The following BMPER variants were observed in gnomAD, a reference collection of about 807,000 sequenced individuals.
BMPER encodes the protein BMP-binding endothelial regulator protein.
A neutral mutation model predicts 87.3 loss-of-function variants in BMPER; 45 were observed. That is an observed-to-expected ratio of 0.52 (90% CI 0.41 to 0.66). The LOEUF (loss-of-function observed/expected upper bound fraction) is 0.66. BMPER is among the 30% of genes least tolerant of loss of function. The probability of loss-of-function intolerance (pLI) is 0.00; values close to 1 mark genes in which losing one functional copy is unlikely to be tolerated. For synonymous variants in BMPER, 326 were observed against 316.2 expected (o/e 1.03, Z -0.33); for missense variants, 784 against 867.5 (o/e 0.90, Z 1.21).
At chr7:34,046,625 C>T (rs1334641866) in intron 7 of BMPER, among the ~76,000 whole-genome samples, 2 of 152,218 alleles carry the variant, frequency 1.3e-5, no homozygotes, top group African/African-American at 4.8e-5. Context: ...TCACTTGCAT[C>T]TGTAACTGGG....
At position 34,040,580 on chromosome 7, in the gene BMPER, G is replaced by A. The variant is rs185566546; in HGVS notation, c.577-5726G>A. Among the ~76,000 whole-genome samples, 309 of 152,164 alleles carry A rather than the reference G, an allele frequency of 2.0e-3. 1 individual carries two copies. Among genetic ancestry groups the A allele is most frequent in the African/African-American group, 6.9e-3 (286 of 41,502 alleles). ...GATTCTGACCCACTGCCTAGATTGA[G>A]CACCCTGAATAGAATGAGGAGCCAC... On this transcript the variant is annotated intron_variant, in intron 6 of 14. Coordinates refer to ENST00000649409, the MANE Select transcript of BMPER (RefSeq NM_001365308.1).
intron 13 of BMPER, among the ~76,000 whole-genome samples, chr7:34,087,044 T>C (rs1789232409): frequency 6.6e-6 from 1 of 152,212 alleles, no homozygotes; most frequent in Non-Finnish European, 1.5e-5. Flanking sequence ...TTATTTCCCC[T>C]AGTTCTCATT....
intron 12 of BMPER, among the ~76,000 whole-genome samples, chr7:34,079,590 C>A (rs1325854526): frequency 6.6e-6 from 1 of 152,192 alleles, no homozygotes; most frequent in Non-Finnish European, 1.5e-5. Context: ...TAGCTATGTG[C>A]AGTTTCACAT....
intron 11 of BMPER, among the ~76,000 whole-genome samples, chr7:34,068,526 G>A (rs1788654477): frequency 6.6e-6 from 1 of 152,096 alleles, no homozygotes; most frequent in Admixed American, 6.5e-5. Context: ...CCGTCTTTCT[G>A]CTCAAGTACA....
At chr7:33,933,517 A>T (rs975270698) in intron 2 of BMPER, among the ~76,000 whole-genome samples, 21 of 145,310 alleles carry the variant, frequency 1.4e-4, no homozygotes, top group African/African-American at 5.1e-4. Context: ...TCTTGTTTAG[A>T]TCTGGAGAGA....
Position 34,154,621 on chromosome 7 carries a change from G to A in BMPER, c.*1348G>A, listed in dbSNP as rs984788533. 2 of 152,074 alleles carry A rather than the reference G, an allele frequency of 1.3e-5. No homozygotes were observed. The highest frequency in any genetic ancestry group is 4.8e-5 in the African/African-American group (2 of 41,388). The allele number at this position is 152,074 out of a possible 1,614,324, so 9.4% of individuals were successfully genotyped here. ...TGTATCTTACAACAGTATATATAAA[G>A]ACTATTATTAATAGACAAAAGCAAA... On this transcript the variant is annotated 3_prime_UTR_variant, in exon 15 of 15. Transcript: ENST00000649409.
chr7:34,095,898 T>G (rs1026635552), intron 13 of BMPER, among the ~76,000 whole-genome samples: 3 of 152,148 alleles, frequency 2.0e-5, no homozygotes, highest in Admixed American at 6.5e-5. Flanking sequence ...CAGTGGCCAT[T>G]GGCAAAGGAT....
intron 4 of BMPER, among the ~76,000 whole-genome samples, chr7:33,967,940 T>G (rs2128618000): frequency 6.6e-6 from 1 of 152,338 alleles, no homozygotes; most frequent in South Asian, 2.1e-4. Flanking sequence ...GGATGAAGAC[T>G]TTGTTTAAAT....
At chr7:33,985,812 G>A (rs1785994016) in intron 6 of BMPER, among the ~76,000 whole-genome samples, 1 of 151,562 alleles carries the variant, frequency 6.6e-6, no homozygotes. Context: ...GTTTATATGT[G>A]TATGAAGGAT....
At chr7:33,974,866 C>A in intron 6 of BMPER, 82 bp downstream of exon 6, 1 of 1,327,980 alleles carries the variant, frequency 7.5e-7, no homozygotes, top group Non-Finnish European at 1.1e-6. Flanking sequence ...CCGGTCTCTA[C>A]AGCCTCTCTC....
chr7:34,044,478 T>C (rs1260667042), intron 6 of BMPER, among the ~76,000 whole-genome samples: 1 of 152,170 alleles, frequency 6.6e-6, no homozygotes, highest in African/African-American at 2.4e-5. Flanking sequence ...ATGAATTTCT[T>C]TGAAATTAAA....
chr7:33,915,884 G>A (rs1029741755), intron 2 of BMPER, among the ~76,000 whole-genome samples: 2 of 152,156 alleles, frequency 1.3e-5, no homozygotes, highest in Admixed American at 6.5e-5. Context: ...TTTAATAGTT[G>A]TATGGCTTTA....
At chr7:34,031,556 TA>T (rs1417978830) in intron 6 of BMPER, among the ~76,000 whole-genome samples, 1 of 151,934 alleles carries the variant, frequency 6.6e-6, no homozygotes, top group Non-Finnish European at 1.5e-5. Flanking sequence ...AATGTTCTCC[TA>T]ACTTTTCAGA....
intron 6 of BMPER, among the ~76,000 whole-genome samples, chr7:33,977,572 A>G (rs1412407217): frequency 6.6e-6 from 1 of 152,214 alleles, no homozygotes; most frequent in African/African-American, 2.4e-5. Flanking sequence ...GGTGTTCATA[A>G]TGTTAGGCTG....
intron 3 of BMPER, 68 bp downstream of exon 3, chr7:33,937,456 ACCTT>A: frequency 6.6e-7 from 1 of 1,512,950 alleles, no homozygotes; most frequent in South Asian, 1.1e-5. Flanking sequence ...TCTTTCTCTC[ACCTT>A]CCTTTTCACT....
intron 2 of BMPER, among the ~76,000 whole-genome samples, chr7:33,917,449 C>T (rs1784112396): frequency 6.6e-6 from 1 of 152,032 alleles, no homozygotes; most frequent in South Asian, 2.1e-4. Context: ...TAACCTACCT[C>T]TGCCAAATGA....
intron 13 of BMPER, among the ~76,000 whole-genome samples, chr7:34,116,435 T>C (rs764866058): frequency 2.6e-5 from 4 of 152,170 alleles, no homozygotes; most frequent in Non-Finnish European, 5.9e-5. Flanking sequence ...TGTAGGATAT[T>C]AGATCTTTAA....
At chr7:34,014,724 C>T (rs1418993463) in intron 6 of BMPER, among the ~76,000 whole-genome samples, 1 of 151,832 alleles carries the variant, frequency 6.6e-6, no homozygotes, top group Non-Finnish European at 1.5e-5. Context: ...GTAAGTAAAC[C>T]TTGGAAAGCC....
At chr7:33,938,147 T>C (rs1168068519) in intron 3 of BMPER, among the ~76,000 whole-genome samples, 2 of 152,102 alleles carry the variant, frequency 1.3e-5, no homozygotes, top group Non-Finnish European at 2.9e-5. Flanking sequence ...GATCGTCAAC[T>C]CCCTGGGGAT....
Sources: gnomAD v4.1 joint callset for allele counts (sites outside exome capture counted in the v4.1 genomes callset) on GRCh38, gnomAD v4.1.1 for gene constraint, MANE v1.5 for transcripts, NCBI Gene and HGNC (gene_info 2026-07-23, HGNC 2026-07-21) for gene names.